ERAP1: variants seen among roughly 807,000 people sequenced by gnomAD.
ERAP1 encodes the protein adipocyte-derived leucine aminopeptidase.
In ERAP1, 86 loss-of-function variants were observed where a neutral mutation model predicts 103.7. The observed-to-expected ratio is 0.83, with a 90% CI of 0.70 to 0.99. The LOEUF (loss-of-function observed/expected upper bound fraction) is 0.99, where lower values mean the gene tolerates loss of function less well. ERAP1 is among the 50% of genes least tolerant of loss of function. ERAP1 has a pLI of 0.00. For missense variants in ERAP1, 1,009 were observed against 1,128.4 expected (o/e 0.89, Z 1.52); for synonymous variants, 398 against 402.4 (o/e 0.99, Z 0.13).
the ERAP1 span, among the ~76,000 whole-genome samples, chr5:96,921,075 A>C: frequency 6.6e-6 from 1 of 152,216 alleles, no homozygotes; most frequent in African/African-American, 2.4e-5. Flanking sequence ...TTTTGCAAAG[A>C]GACTGTACCT....
At chr5:96,913,651 G>C in the ERAP1 span, among the ~76,000 whole-genome samples, 2 of 152,154 alleles carry the variant, frequency 1.3e-5, no homozygotes, top group Non-Finnish European at 2.9e-5. Flanking sequence ...TGAGAATAAG[G>C]GAATGGGAAA....
chr5:96,845,280 G>A, the ERAP1 span, among the ~76,000 whole-genome samples: 1 of 152,036 alleles, frequency 6.6e-6, no homozygotes, highest in East Asian at 1.9e-4. Context: ...TGTCACCCAG[G>A]CTGGAGTGCA....
At chr5:96,783,399 CAAT>C (rs1002314122) in intron 14 of ERAP1, among the ~76,000 whole-genome samples, 164 bp from the exon 15 acceptor site, 6 of 151,922 alleles carry the variant, frequency 3.9e-5, no homozygotes, top group Admixed American at 1.3e-4. Flanking sequence ...GGGCCAAAAA[CAAT>C]AAATAATGAT....
At chr5:96,907,067 T>C in the ERAP1 span, among the ~76,000 whole-genome samples, 2 of 152,092 alleles carry the variant, frequency 1.3e-5, no homozygotes, top group Non-Finnish European at 2.9e-5. Context: ...AAAACCCAAA[T>C]TGGTGCTTCA....
chr5:96,815,407 G>GTTTTTTTTTTTTTTTTTT, the ERAP1 span, among the ~76,000 whole-genome samples: 1 of 105,458 alleles, frequency 9.5e-6, no homozygotes, highest in African/African-American at 3.5e-5. Context: ...TGTTTGTTTT[G>GTTTTTTTTTTTTTTTTTT]TTTTTTATTT....
At chr5:96,896,965 T>TAAG in the ERAP1 span, 12,028 of 978,466 alleles carry the variant, frequency 0.012, 62 homozygotes, top group Non-Finnish European at 0.014. Context: ...GTCAACCATA[T>TAAG]TTATTCTGCT....
At chr5:96,829,138 G>A in the ERAP1 span, among the ~76,000 whole-genome samples, 8 of 152,178 alleles carry the variant, frequency 5.3e-5, no homozygotes, top group African/African-American at 1.2e-4. Flanking sequence ...CAGCCATCAC[G>A]TCAGCCTATG....
At chr5:96,914,550 C>A in the ERAP1 span, among the ~76,000 whole-genome samples, 1 of 152,196 alleles carries the variant, frequency 6.6e-6, no homozygotes. Flanking sequence ...AAATGATCAG[C>A]CTTAATCTAC....
At chr5:96,856,738 G>A in the ERAP1 span, among the ~76,000 whole-genome samples, 7 of 152,108 alleles carry the variant, frequency 4.6e-5, no homozygotes, top group Admixed American at 2.6e-4. Context: ...CCCTACTTAC[G>A]GCATAGTTGT....
rs112686030 is a variant in ERAP1 at position 96,795,111 on chromosome 5, C to T, written c.850G>A (p.Asp284Asn). Residue 284 changes from aspartate (D) to asparagine (N), a missense_variant, in exon 5 of 19, where the codon GAT (aspartate) becomes AAT (asparagine). Physicochemically the swap from Asp to Asn is conservative, Grantham distance 23. Around this residue, in one of 3 missense-constraint regions of ERAP1, gnomAD observed 392 missense variants for 455.2 expected, o/e 0.86. Coordinates refer to ENST00000443439, the MANE Select transcript of ERAP1 (RefSeq NM_001040458.3). ...AATTCTAGAAGAGTCACCGCAGCAT[C>T]CAGTGCATAATCTGCTTGATTTATC... ...DKINQADYAL[D>N]AAVTLLEFYE... is the part of the protein sequence containing the mutation. 1.1e-5 allele frequency: 18 copies of T among 1,613,764 alleles called. No homozygotes were observed. The Admixed American group carries it at 1.3e-4, about 12-fold the overall frequency.
At chr5:96,834,377 G>A in the ERAP1 span, among the ~76,000 whole-genome samples, 1 of 152,138 alleles carries the variant, frequency 6.6e-6, no homozygotes, top group Non-Finnish European at 1.5e-5. Context: ...CTAATCTTCA[G>A]TATAGAATAA....
chr5:96,837,959 G>A, the ERAP1 span, among the ~76,000 whole-genome samples: 7 of 151,792 alleles, frequency 4.6e-5, no homozygotes, highest in East Asian at 1.4e-3. Flanking sequence ...TATCTCCAAT[G>A]TCCAACTGTA....
intron 18 of ERAP1, among the ~76,000 whole-genome samples, chr5:96,777,478 A>G (rs1774503208): frequency 6.6e-6 from 1 of 152,216 alleles, no homozygotes; most frequent in Admixed American, 6.5e-5. Flanking sequence ...AATGGGTTTT[A>G]GAAAGATCAG....
At chr5:96,935,012 A>G in the ERAP1 span, 1 of 152,288 alleles carries the variant, frequency 6.6e-6, no homozygotes, top group Non-Finnish European at 1.5e-5. Context: ...CTCGGAGGCT[A>G]GCGGGGCTGC....
chr5:96,901,135 C>A, the ERAP1 span, among the ~76,000 whole-genome samples: 2 of 152,038 alleles, frequency 1.3e-5, no homozygotes, highest in Admixed American at 1.3e-4. Flanking sequence ...CCCTCGTAAA[C>A]CACCCCTCCT....
downstream of ERAP1, chr5:96,769,575 C>CA (rs1315965936): frequency 6.6e-6 from 1 of 152,000 alleles, no homozygotes; most frequent in Non-Finnish European, 1.5e-5. Context: ...ATCATTCTCA[C>CA]ACAACTACTT....
the ERAP1 span, among the ~76,000 whole-genome samples, chr5:96,850,536 C>G: frequency 6.6e-6 from 1 of 151,998 alleles, no homozygotes; most frequent in African/African-American, 2.4e-5. Context: ...AAACCAGAAT[C>G]AAGTATTACA....
the ERAP1 span, chr5:96,879,766 C>CA: frequency 1.2e-6 from 2 of 1,614,186 alleles, no homozygotes; most frequent in Non-Finnish European, 8.5e-7. Context: ...GCTTAACAGC[C>CA]ATCTTGCCCC....
At position 96,788,652 on chromosome 5, in the gene ERAP1, T is replaced by C. The variant is rs750494553; in HGVS notation, c.1558A>G (p.Met520Val). 8.7e-6 allele frequency: 14 copies of C among 1,614,224 alleles called. No individual in the cohort carries two copies. The South Asian group carries it at 1.5e-4, about 18-fold the overall frequency. Reference sequence around the variant, plus strand: ...TTCTGCAGTGTCCAAGTGTTCATCATGGTTTTCACATCCACCCCTTCCTGA... The same window carrying C: ...TTCTGCAGTGTCCAAGTGTTCATCACGGTTTTCACATCCACCCCTTCCTGA... ...WHQEGVDVKT[M>V]MNTWTLQKGF... The change falls in exon 11 of 19, where the codon ATG (methionine) becomes GTG (valine). Residue 520 changes from methionine (M) to valine (V), a missense_variant. Transcript: ENST00000443439.
Sources: allele counts gnomAD v4.1 joint callset (sites outside exome capture counted in the v4.1 genomes callset), GRCh38; gene constraint gnomAD v4.1.1; regional missense constraint gnomAD v4.1.1; transcripts MANE v1.5; gene names NCBI Gene and HGNC (gene_info 2026-07-23, HGNC 2026-07-21).